DISC1: variants seen among roughly 807,000 people sequenced by gnomAD.
The protein encoded by DISC1 is DISC1 scaffold protein, also known as disrupted in schizophrenia 1 protein.
In DISC1, 57 loss-of-function variants were observed where a neutral mutation model predicts 84.5. The observed-to-expected ratio is 0.67, with a 90% confidence interval of 0.55 to 0.84. DISC1 has a LOEUF of 0.84. Ranked by LOEUF, DISC1 falls within the 40% of genes least tolerant of loss-of-function variation. The pLI is 0.00. For synonymous variants in DISC1, 411 were observed against 415.2 expected, an observed-to-expected ratio of 0.99 and a Z score of 0.12; for missense variants, 1,000 against 1,057.8, an observed-to-expected ratio of 0.95 and a Z score of 0.76.
intron 8 of DISC1, among the ~76,000 whole-genome samples, chr1:231,804,528 G>A (rs2079554675): frequency 6.7e-6 from 1 of 148,784 alleles, no homozygotes; most frequent in South Asian, 2.1e-4. Flanking sequence ...TAAGATCATA[G>A]TTGACTGCAG....
intron 9 of DISC1, 123 bp downstream of exon 9, chr1:231,818,640 C>T: frequency 1.4e-6 from 2 of 1,474,716 alleles, no homozygotes; most frequent in Non-Finnish European, 1.8e-6. Context: ...AGCACATGGC[C>T]CTTTTCCTTG....
chr1:231,738,793 T>C (rs1429460230), intron 3 of DISC1, among the ~76,000 whole-genome samples: 1 of 152,270 alleles, frequency 6.6e-6, no homozygotes, highest in Non-Finnish European at 1.5e-5. Flanking sequence ...TGTTGGTTCC[T>C]ATTCTATTCA....
At chr1:231,836,787 C>A (rs551313501) in intron 9 of DISC1, among the ~76,000 whole-genome samples, 1 of 152,210 alleles carries the variant, frequency 6.6e-6, no homozygotes. Flanking sequence ...AGGATGTCCG[C>A]GTGCTCTGGA....
intron 1 of DISC1, among the ~76,000 whole-genome samples, chr1:231,674,124 C>T (rs897074718): frequency 4.6e-5 from 7 of 152,082 alleles, no homozygotes; most frequent in Non-Finnish European, 1.0e-4. Flanking sequence ...TCAGTTTTGG[C>T]GAGGATTAAA....
chr1:231,650,287 G>A (rs1378873845), intron 1 of DISC1, among the ~76,000 whole-genome samples: 3 of 152,176 alleles, frequency 2.0e-5, no homozygotes, highest in Non-Finnish European at 4.4e-5. Context: ...GCATTTGCTT[G>A]TCTGTAAAGG....
At position 232,031,440 on chromosome 1, in the gene DISC1, AAAGGGAAAGGAG is replaced by A. The variant is rs1414410728; in HGVS notation, c.2425+4896_2425+4907del. On this transcript the variant is annotated intron_variant, in intron 12 of 12. Transcript: ENST00000439617. The surrounding 1 kb of genome is among the most constrained non-coding windows in gnomAD (Gnocchi z 4.6). ...AAGAGACAAGGGAAAGGAGAAGGGA[AAAGGGAAAGGAG>A]AAGGGAAGGGAGAAGGGAAGGGAGC... 1.3e-5 allele frequency among the ~76,000 whole-genome samples: 2 copies of A among 150,722 alleles called. No individual in the cohort carries two copies. Among genetic ancestry groups the A allele is most frequent in the African/African-American group, 4.9e-5 (2 of 40,944 alleles).
At chr1:231,942,044 A>T (rs2091374093) in intron 9 of DISC1, among the ~76,000 whole-genome samples, 1 of 152,074 alleles carries the variant, frequency 6.6e-6, no homozygotes, top group Non-Finnish European at 1.5e-5. Context: ...CAGACGTGTG[A>T]TCTGGGGGCC....
intron 1 of DISC1, among the ~76,000 whole-genome samples, chr1:231,668,560 T>C (rs74143901): frequency 0.08 from 12,243 of 152,164 alleles, 1,595 homozygotes; most frequent in African/African-American, 0.28. Context: ...CCTGCTAAGG[T>C]GAAAGTCTCA....
At chr1:231,922,445 AC>A (rs1460417757) in intron 9 of DISC1, among the ~76,000 whole-genome samples, 1 of 152,078 alleles carries the variant, frequency 6.6e-6, no homozygotes, top group Non-Finnish European at 1.5e-5. Context: ...ATTCCCTTTC[AC>A]AGATGAAGAA....
At chr1:231,882,350 C>A (rs760306004) in intron 9 of DISC1, among the ~76,000 whole-genome samples, 1 of 152,110 alleles carries the variant, frequency 6.6e-6, no homozygotes, top group East Asian at 1.9e-4. Context: ...ATGAGGTGAT[C>A]TCCAGAATCC....
intron 11 of DISC1, among the ~76,000 whole-genome samples, chr1:232,011,921 CAGTT>C (rs1239254873): frequency 7.9e-5 from 12 of 152,178 alleles, no homozygotes; most frequent in African/African-American, 2.2e-4. Flanking sequence ...CCGTGATCCT[CAGTT>C]AGGCCTCTTA....
At chr1:232,012,286 G>C (rs1003320351) in intron 11 of DISC1, among the ~76,000 whole-genome samples, 1 of 152,158 alleles carries the variant, frequency 6.6e-6, no homozygotes, top group Non-Finnish European at 1.5e-5. Context: ...TCAAGAAGTA[G>C]ACATGAGCAA....
intron 1 of DISC1, among the ~76,000 whole-genome samples, chr1:231,663,384 A>G (rs1302493325): frequency 6.6e-6 from 1 of 152,188 alleles, no homozygotes; most frequent in African/African-American, 2.4e-5. Context: ...ATAATGCAGT[A>G]TGTGGGCTAG....
intron 3 of DISC1, among the ~76,000 whole-genome samples, chr1:231,712,970 C>A (rs1020332588): frequency 7.2e-5 from 11 of 152,070 alleles, no homozygotes. Flanking sequence ...ATACTTGGGG[C>A]AAGATGCATG....
At chr1:231,669,087 G>T (rs188132005) in intron 1 of DISC1, among the ~76,000 whole-genome samples, 2 of 152,276 alleles carry the variant, frequency 1.3e-5, no homozygotes, top group Admixed American at 1.3e-4. Context: ...CCCTTGTTCT[G>T]ATATCAGAGA....
At chr1:231,965,590 A>T (rs1184565399) in intron 10 of DISC1, among the ~76,000 whole-genome samples, 1 of 152,270 alleles carries the variant, frequency 6.6e-6, no homozygotes, top group African/African-American at 2.4e-5. Flanking sequence ...CGCATCCAGC[A>T]TAAATTCCAC....
chr1:231,632,488 C>T (rs1572317167), intron 1 of DISC1, among the ~76,000 whole-genome samples: 1 of 152,092 alleles, frequency 6.6e-6, no homozygotes, highest in Non-Finnish European at 1.5e-5. Context: ...GTAAACTCCT[C>T]GAGGTGAGGA....
chr1:231,965,808 A>G (rs913784654), intron 10 of DISC1, among the ~76,000 whole-genome samples: 3 of 152,312 alleles, frequency 2.0e-5, no homozygotes, highest in Middle Eastern at 3.4e-3. Flanking sequence ...ACTCATCCTT[A>G]TGACTCAGCA....
chr1:231,726,063 A>G (rs895657514), intron 3 of DISC1, among the ~76,000 whole-genome samples: 1 of 152,184 alleles, frequency 6.6e-6, no homozygotes, highest in Non-Finnish European at 1.5e-5. Flanking sequence ...GTTGGTCTAC[A>G]GAGGTCCAGC....
Sources: gnomAD v4.1 joint callset for allele counts (sites outside exome capture counted in the v4.1 genomes callset) on GRCh38, gnomAD v4.1.1 for gene constraint, Gnocchi (gnomAD v3.1) non-coding constraint, MANE v1.5 for transcripts, NCBI Gene and HGNC (gene_info 2026-07-23, HGNC 2026-07-21) for gene names.